Variants in ICA1 observed in about 807,000 individuals in gnomAD.
ICA1 encodes the protein 69 kDa islet cell autoantigen.
In ICA1, 40 loss-of-function variants were observed where a neutral mutation model predicts 71.0. The observed-to-expected ratio is 0.56, with a 90% CI of 0.44 to 0.73. ICA1 has a LOEUF of 0.73. ICA1 is among the 30% of genes least tolerant of loss of function. ICA1 has a pLI of 0.00. For synonymous variants in ICA1, 207 were observed against 209.5 expected, an observed-to-expected ratio of 0.99 and a Z score of 0.10; for missense variants, 578 against 576.5, an observed-to-expected ratio of 1.00 and a Z score of -0.03.
chr7:8,261,449 C>G (rs957744286), intron 1 of ICA1, among the ~76,000 whole-genome samples: 1 of 152,160 alleles, frequency 6.6e-6, no homozygotes, highest in African/African-American at 2.4e-5. Flanking sequence ...AACGGGCGCG[C>G]CAGGGTTTGC....
rs565580772 is a variant in ICA1 at position 8,183,451 on chromosome 7, A to G, written c.580-24799T>C. Among the ~76,000 whole-genome samples, 13 of 152,304 alleles carry G rather than the reference A, an allele frequency of 8.5e-5. No homozygotes were observed. In the South Asian group the frequency reaches 1.7e-3, roughly 19 times the overall value. Reference sequence around the variant, plus strand: ...GTGTATATGTTAGAGGGAGATATAGAAGGTTTTTGCAGAGGGGAATACTTT... The same window carrying G: ...GTGTATATGTTAGAGGGAGATATAGGAGGTTTTTGCAGAGGGGAATACTTT... On this transcript the variant is annotated intron_variant, in intron 6 of 13. Coordinates refer to ENST00000402384, the MANE Select transcript of ICA1 (RefSeq NM_001136020.3).
At chr7:8,128,499 T>C (rs6463769) in intron 12 of ICA1, among the ~76,000 whole-genome samples, 113,283 of 152,072 alleles carry the variant, frequency 0.74, 42,446 homozygotes, top group East Asian at 0.94. Flanking sequence ...TTGCATAGCT[T>C]CCCAAATCTT....
intron 7 of ICA1, chr7:8,157,451 C>T (rs903818927): frequency 3.0e-5 from 14 of 472,094 alleles, no homozygotes; most frequent in Middle Eastern, 5.3e-4. Context: ...CTGGGACATT[C>T]TCCTCTCCAT....
At chr7:8,235,872 C>G in intron 2 of ICA1, 38 bp downstream of exon 2, 2 of 1,602,062 alleles carry the variant, frequency 1.2e-6, no homozygotes, top group South Asian at 1.1e-5. Flanking sequence ...TATATGCTTT[C>G]TACTTTCCCA....
rs1803488336 is a variant in ICA1 at position 8,240,697 on chromosome 7, A to C, written c.-79-4692T>G. 2.0e-5 allele frequency among the ~76,000 whole-genome samples: 3 copies of C among 152,284 alleles called. No homozygotes were observed. The South Asian group carries it at 6.2e-4, about 32-fold the overall frequency. ...ATCAGACGAATGAGTAACTCAAATA[A>C]ACAGTGTAGAGAAGACTTAAATGAC... On this transcript the variant is annotated intron_variant, in intron 1 of 13. Transcript: ENST00000402384.
chr7:8,236,219 G>C (rs534545273), intron 1 of ICA1, among the ~76,000 whole-genome samples: 5 of 152,158 alleles, frequency 3.3e-5, no homozygotes, highest in African/African-American at 1.2e-4. Context: ...TGAACAGGCA[G>C]ATTGAATGAA....
chr7:8,132,967 C>A lies in ICA1; in HGVS notation c.1061-4825G>T, dbSNP rs1191207097. On this transcript the variant is annotated intron_variant, in intron 12 of 13. Transcript: ENST00000402384. The surrounding 1 kb of genome is among the most constrained non-coding windows in gnomAD (Gnocchi z 4.5). Reference sequence around the variant, plus strand: ...TGTGTTATGGTTTGCATATCTGTCCCTTCCAAAACTCATGCTGATATTTAA... The same window carrying A: ...TGTGTTATGGTTTGCATATCTGTCCATTCCAAAACTCATGCTGATATTTAA... Among the ~76,000 whole-genome samples the A allele has an allele frequency of 2.0e-5, 3 of 152,222 alleles. No homozygotes were observed. Among genetic ancestry groups the A allele is most frequent in the Admixed American group, 2.0e-4 (3 of 15,286 alleles).
rs1783749464 is a variant in ICA1 at position 8,113,271 on chromosome 7, C to A, written c.*652G>T. On this transcript the variant is annotated 3_prime_UTR_variant, in exon 14 of 14. Coordinates refer to ENST00000402384, the MANE Select transcript of ICA1 (RefSeq NM_001136020.3). The surrounding 1 kb of genome is among the most constrained non-coding windows in gnomAD (Gnocchi z 4.2). ...CTTCAGAAATACATGCTTTTGAATTCCAGCCACGAAGAGGACAAAAGGAGA... is the reference window on the plus strand; with the variant it reads ...CTTCAGAAATACATGCTTTTGAATTACAGCCACGAAGAGGACAAAAGGAGA... 6.6e-6 allele frequency: 1 copy of A among 151,402 alleles called. No homozygotes were observed. The highest frequency in any genetic ancestry group is 1.5e-5 in the Non-Finnish European group (1 of 67,934). 9.4% of individuals were successfully genotyped at this position (151,402 alleles called of 1,614,324 possible).
intron 1 of ICA1, among the ~76,000 whole-genome samples, chr7:8,260,670 C>T (rs1328218758): frequency 6.6e-6 from 1 of 152,158 alleles, no homozygotes; most frequent in South Asian, 2.1e-4. Context: ...TTGAGCTATT[C>T]AGGATTATAA....
At chr7:8,246,555 A>G (rs1432082825) in intron 1 of ICA1, among the ~76,000 whole-genome samples, 1 of 152,130 alleles carries the variant, frequency 6.6e-6, no homozygotes, top group Non-Finnish European at 1.5e-5. Context: ...CCTAGACTGC[A>G]CCTTGATGGG....
In ICA1 at chr7:8,141,805, T is replaced by C; in HGVS notation, c.915A>G (p.Leu305=). 1 of 1,566,692 alleles carries C rather than the reference T, an allele frequency of 6.4e-7. No individual in the cohort carries two copies. The highest frequency in any genetic ancestry group is 8.7e-7 in the Non-Finnish European group (1 of 1,144,442). The change falls in exon 10 of 14, where the codon TTA becomes TTG. Residue 305 remains leucine (L), a synonymous_variant. Coordinates refer to ENST00000402384, the MANE Select transcript of ICA1 (RefSeq NM_001136020.3). ...ATTCCTTGCGCTGGTTTTCTTCCTC[T>C]AATGAAATTAATCTTAAAATAAAAA... The part of the protein sequence containing the change: ...AVQEPSQLIS[L]EEENQRKESS...
In ICA1 at chr7:8,186,484, G is replaced by C. The variant is rs148924832; in HGVS notation, c.580-27832C>G. 7.5e-3 allele frequency among the ~76,000 whole-genome samples: 1,149 copies of C among 152,286 alleles called. 14 individuals are homozygous for C. Among genetic ancestry groups the C allele is most frequent in the African/African-American group, 0.026 (1,082 of 41,544 alleles). On this transcript the variant is annotated intron_variant, in intron 6 of 13. Coordinates refer to ENST00000402384, the MANE Select transcript of ICA1 (RefSeq NM_001136020.3). ...GGGAGCTGCTGAAGGTCCTGAGCAG[G>C]GAAGTGGCCACAGTAGAGTGGTTTT...
intron 6 of ICA1, among the ~76,000 whole-genome samples, chr7:8,215,709 C>G (rs542998943): frequency 6.6e-6 from 1 of 152,198 alleles, no homozygotes; most frequent in African/African-American, 2.4e-5. Flanking sequence ...AGAATTTTGT[C>G]TCCACCAGAA....
intron 6 of ICA1, among the ~76,000 whole-genome samples, chr7:8,182,850 G>A (rs1349096171): frequency 2.6e-5 from 4 of 152,068 alleles, no homozygotes; most frequent in Non-Finnish European, 4.4e-5. Context: ...TGTAAGGTTG[G>A]CAGTGTAAAT....
At chr7:8,146,742 C>CGT (rs111464131) in intron 8 of ICA1, among the ~76,000 whole-genome samples, 62 of 143,766 alleles carry the variant, frequency 4.3e-4, no homozygotes, top group African/African-American at 1.3e-3. Flanking sequence ...TGTGCGTGTG[C>CGT]GTGTGTGTGT....
intron 6 of ICA1, among the ~76,000 whole-genome samples, chr7:8,174,068 G>C (rs1028018438): frequency 6.6e-6 from 1 of 152,146 alleles, no homozygotes; most frequent in Admixed American, 6.5e-5. Flanking sequence ...TTGGAGCAGA[G>C]ACCTGGAGGA....
chr7:8,147,057 T>A (rs1797261496), intron 8 of ICA1, among the ~76,000 whole-genome samples: 1 of 151,950 alleles, frequency 6.6e-6, no homozygotes, highest in Non-Finnish European at 1.5e-5. Context: ...TGCTCAATTA[T>A]CTTCTCATTG....
At chr7:8,231,960 CTAAGA>C (rs1800408443) in intron 3 of ICA1, among the ~76,000 whole-genome samples, 1 of 152,156 alleles carries the variant, frequency 6.6e-6, no homozygotes, top group Non-Finnish European at 1.5e-5. Flanking sequence ...ATCAGACCAT[CTAAGA>C]TATTATTCCT....
intron 10 of ICA1, among the ~76,000 whole-genome samples, chr7:8,140,910 G>T (rs1406651743): frequency 6.6e-6 from 1 of 152,186 alleles, no homozygotes; most frequent in Non-Finnish European, 1.5e-5. Context: ...AATCTCCTTT[G>T]CCTCCTCCTA....
Sources: gnomAD v4.1 joint callset for allele counts (sites outside exome capture counted in the v4.1 genomes callset) on GRCh38, gnomAD v4.1.1 for gene constraint, Gnocchi (gnomAD v3.1) non-coding constraint, MANE v1.5 for transcripts, NCBI Gene and HGNC (gene_info 2026-07-23, HGNC 2026-07-21) for gene names.